MYOM1: variants seen among roughly 807,000 people sequenced by gnomAD.
The protein encoded by MYOM1 is myomesin 1, also known as myomesin-1.
A neutral mutation model predicts 205.3 loss-of-function variants in MYOM1; 164 were observed. The ratio of observed to expected loss-of-function variants is 0.80; its 90% CI spans 0.70 to 0.91. MYOM1 has a LOEUF of 0.91. Ranked by LOEUF, MYOM1 falls within the 40% of genes least tolerant of loss-of-function variation. MYOM1 has a pLI of 0.00. For synonymous variants in MYOM1, 772 were observed against 789.4 expected, an observed-to-expected ratio of 0.98 and a Z score of 0.37; for missense variants, 2,011 against 2,127.3, an observed-to-expected ratio of 0.95 and a Z score of 1.08.
chr18:3,071,712 G>A, intron 37 of MYOM1, 122 bp downstream of exon 37: 2 of 943,640 alleles, frequency 2.1e-6, no homozygotes, highest in Admixed American at 2.1e-5. Context: ...AGTATAAGCA[G>A]CTATGGAGTA....
intron 2 of MYOM1, among the ~76,000 whole-genome samples, chr18:3,197,357 C>CA (rs1448655369): frequency 6.6e-6 from 1 of 151,922 alleles, no homozygotes; most frequent in Non-Finnish European, 1.5e-5. Context: ...AGGCTGGTCT[C>CA]AAACTCCTGA....
rs1567972986 is a variant in MYOM1 at position 3,215,215 on chromosome 18, C to CA, written c.8dup (p.Leu3PhefsTer12). Reference sequence around the variant, plus strand: ...GCTGGTGGCACCTCTGATAAAAAGGCAAAGACATCCTGTGCCCCTTGAAGG... The same window carrying CA: ...GCTGGTGGCACCTCTGATAAAAAGGCAAAAGACATCCTGTGCCCCTTGAAGG... On this transcript the variant is annotated frameshift_variant, in exon 2 of 38. Transcript: ENST00000356443. LOFTEE classifies it high-confidence loss of function. The CA allele has an allele frequency of 1.9e-6, 3 of 1,609,852 alleles. No homozygotes were observed. In the South Asian group the frequency reaches 3.3e-5, roughly 18 times the overall value.
intron 2 of MYOM1, among the ~76,000 whole-genome samples, chr18:3,211,930 T>C (rs895906220): frequency 9.9e-5 from 15 of 152,192 alleles, no homozygotes; most frequent in African/African-American, 1.4e-4. Context: ...GGGGTTTTAA[T>C]CAACAACACT....
In MYOM1 at chr18:3,135,863, G is replaced by A; in HGVS notation, c.2026-133C>T. 1 of 936,452 alleles carries A rather than the reference G, an allele frequency of 1.1e-6. No homozygotes were observed. The highest frequency in any genetic ancestry group is 1.7e-5 in the African/African-American group (1 of 60,402). 58.0% of individuals were successfully genotyped at this position (936,452 alleles called of 1,614,324 possible). A position where few individuals can be genotyped will look rare whatever the true frequency, so the allele number is the denominator to read the frequency against. ...GCAAGCTGGACTGGAGGAGAGATGA[G>A]GAGGAAATAGGGGATGAGGCATCTG... On this transcript the variant is annotated intron_variant, in intron 14 of 37. Transcript: ENST00000356443. The surrounding 1 kb of genome is among the most constrained non-coding windows in gnomAD (Gnocchi z 4.1).
intron 10 of MYOM1, among the ~76,000 whole-genome samples, chr18:3,159,422 T>A (rs950759202): frequency 6.4e-4 from 97 of 152,290 alleles, no homozygotes; most frequent in African/African-American, 2.1e-3. Flanking sequence ...AAAGTTTTTT[T>A]AAAAATAAAA....
chr18:3,236,967 G>A, the MYOM1 span, among the ~76,000 whole-genome samples: 2 of 152,162 alleles, frequency 1.3e-5, no homozygotes, highest in Admixed American at 1.3e-4. Flanking sequence ...TATTTCAAAG[G>A]TGAGGGAGTG....
At position 3,215,342 on chromosome 18, in the gene MYOM1, T is replaced by C. The variant is rs1014569156; in HGVS notation, c.-28-91A>G. ...AATCAATGTGTAAAAATCAATACTCTTGGCTGGGTGCGGTGGTTCATGCTT... is the reference window on the plus strand; with the variant it reads ...AATCAATGTGTAAAAATCAATACTCCTGGCTGGGTGCGGTGGTTCATGCTT... On this transcript the variant is annotated intron_variant, in intron 1 of 37. Transcript: ENST00000356443. 6 of 1,056,474 alleles carry C rather than the reference T, an allele frequency of 5.7e-6. No homozygotes were observed. In the African/African-American group the frequency reaches 9.6e-5, roughly 17 times the overall value. 65.4% of individuals were successfully genotyped at this position (1,056,474 alleles called of 1,614,324 possible). A position where few individuals can be genotyped will look rare whatever the true frequency, so the allele number is the denominator to read the frequency against.
intron 33 of MYOM1, among the ~76,000 whole-genome samples, chr18:3,082,015 C>T (rs1309075501): frequency 1.3e-5 from 2 of 152,174 alleles, no homozygotes; most frequent in Non-Finnish European, 2.9e-5. Context: ...TTGGGGATGA[C>T]TCAAGCACAT....
In MYOM1 at chr18:3,135,455, T is replaced by G. The variant is rs1015193188; in HGVS notation, c.2209+92A>C. On this transcript the variant is annotated intron_variant, in intron 15 of 37. Coordinates refer to ENST00000356443, the MANE Select transcript of MYOM1 (RefSeq NM_003803.4). The surrounding 1 kb of genome is among the most constrained non-coding windows in gnomAD (Gnocchi z 4.1). ...GTAAATTTATAATATGAAAGAAGGATGTCACCATTTTTACTCCTGGCCAAA... is the reference window on the plus strand; with the variant it reads ...GTAAATTTATAATATGAAAGAAGGAGGTCACCATTTTTACTCCTGGCCAAA... The G allele has an allele frequency of 1.8e-6, 2 of 1,090,116 alleles. No homozygotes were observed. Among genetic ancestry groups the G allele is most frequent in the Admixed American group, 2.8e-5 (1 of 35,952 alleles). The allele number at this position is 1,090,116 out of a possible 1,614,324, so 67.5% of individuals were successfully genotyped here.
At chr18:3,086,743 ATCTTGAGTTTCATCTAC>A (rs1567897964) in intron 29 of MYOM1, among the ~76,000 whole-genome samples, 13 of 152,220 alleles carry the variant, frequency 8.5e-5, no homozygotes, top group Non-Finnish European at 1.6e-4. Flanking sequence ...GGTTAAAGGG[ATCTTGAGTTTCATCTAC>A]AATGCTTGAA....
Position 3,141,948 on chromosome 18 carries a change from A to G in MYOM1, c.2016T>C (p.Phe672=), listed in dbSNP as rs1490810978. ...GATTCTAGAGTCTTACCTTTTCCACAAAGTACATAATGCCCTCATGACCAC... is the reference window on the plus strand; with the variant it reads ...GATTCTAGAGTCTTACCTTTTCCACGAAGTACATAATGCCCTCATGACCAC... The part of the protein sequence containing the change: ...GQRGHEGIMY[F]VEKCEAGTEN... The change falls in exon 14 of 38, where the codon TTT becomes TTC. Residue 672 remains phenylalanine (F), a synonymous_variant. Coordinates refer to ENST00000356443, the MANE Select transcript of MYOM1 (RefSeq NM_003803.4). The G allele has an allele frequency of 6.2e-7, 1 of 1,613,808 alleles. No homozygotes were observed.
At chr18:3,067,582 A>G (rs774855982) in intron 37 of MYOM1, 27 bp from the exon 38 acceptor site, 7 of 1,599,062 alleles carry the variant, frequency 4.4e-6, no homozygotes, top group African/African-American at 2.7e-5. Flanking sequence ...ATGGGAGAGA[A>G]GAAGATAAAT....
intron 11 of MYOM1, among the ~76,000 whole-genome samples, chr18:3,153,409 G>A (rs532780534): frequency 1.8e-3 from 275 of 152,238 alleles, no homozygotes; most frequent in African/African-American, 5.8e-3. Context: ...TAATATATGC[G>A]AAGTGTTTAG....
At chr18:3,112,209 GA>G (rs1301268555) in intron 22 of MYOM1, 88 bp downstream of exon 22, 1 of 1,038,328 alleles carries the variant, frequency 9.6e-7, no homozygotes, top group African/African-American at 1.6e-5. Flanking sequence ...TGATTGTTTT[GA>G]AAATTAGAGG....
intron 3 of MYOM1, among the ~76,000 whole-genome samples, chr18:3,193,361 T>TACATATATATACACACACACACAC (rs1598758731): frequency 5.9e-5 from 8 of 135,878 alleles, no homozygotes; most frequent in African/African-American, 2.4e-4. Flanking sequence ...TATATATATA[T>TACATATATATACACACACACACAC]ACACACACAC....
At chr18:3,096,905 G>C (rs1361530634) in intron 25 of MYOM1, among the ~76,000 whole-genome samples, 1 of 152,066 alleles carries the variant, frequency 6.6e-6, no homozygotes, top group African/African-American at 2.4e-5. Context: ...GATAGACTAA[G>C]TCGATTTCTA....
intron 25 of MYOM1, among the ~76,000 whole-genome samples, chr18:3,095,966 C>G (rs1325495072): frequency 6.6e-6 from 1 of 152,184 alleles, no homozygotes; most frequent in Non-Finnish European, 1.5e-5. Context: ...AGGAAACTTA[C>G]TATGTGAGTG....
chr18:3,073,436 T>G (rs1028823051), intron 36 of MYOM1, among the ~76,000 whole-genome samples: 2 of 152,226 alleles, frequency 1.3e-5, no homozygotes, highest in Non-Finnish European at 2.9e-5. Context: ...TGTCTACAAT[T>G]CCCTTCTCCA....
intron 22 of MYOM1, among the ~76,000 whole-genome samples, chr18:3,106,005 T>C (rs2079447125): frequency 6.6e-6 from 1 of 152,206 alleles, no homozygotes; most frequent in African/African-American, 2.4e-5. Context: ...TTGAAAATAC[T>C]TGGGGAAAAA....
Sources: gnomAD v4.1 joint callset for allele counts (sites outside exome capture counted in the v4.1 genomes callset) on GRCh38, gnomAD v4.1.1 for gene constraint, Gnocchi (gnomAD v3.1) non-coding constraint, MANE v1.5 for transcripts, NCBI Gene and HGNC (gene_info 2026-07-23, HGNC 2026-07-21) for gene names.